Variants in WDR27 observed in about 807,000 individuals in gnomAD.
WDR27 encodes WD repeat domain 27, also known as WD repeat-containing protein 27.
A neutral mutation model predicts 114.4 loss-of-function variants in WDR27; 100 were observed. The ratio of observed to expected loss-of-function variants is 0.87; its 90% CI spans 0.74 to 1.03. The LOEUF (loss-of-function observed/expected upper bound fraction) is 1.03. Among genes scored for constraint, WDR27 ranks in the 50% least tolerant of loss-of-function variants. The pLI is 0.00. For missense variants in WDR27, 1,129 were observed against 1,092.9 expected, an observed-to-expected ratio of 1.03 and a Z score of -0.47; for synonymous variants, 449 against 423.1, an observed-to-expected ratio of 1.06 and a Z score of -0.75.
At chr6:169,426,945 C>A in the WDR27 span, 1 of 90,300 alleles carries the variant, frequency 1.1e-5, no homozygotes. Flanking sequence ...AGACAAGGGT[C>A]GTGGCAGTGC....
the WDR27 span, among the ~76,000 whole-genome samples, chr6:169,438,919 G>T: frequency 6.6e-6 from 1 of 152,048 alleles, no homozygotes; most frequent in Non-Finnish European, 1.5e-5. Flanking sequence ...TTTTATATTT[G>T]CTTTTGAAGT....
chr6:169,696,323 G>A (rs1785952549), intron 1 of WDR27, among the ~76,000 whole-genome samples: 1 of 152,192 alleles, frequency 6.6e-6, no homozygotes, highest in African/African-American at 2.4e-5. Context: ...ATGGCGCAGT[G>A]AAGCTTACGA....
At chr6:169,446,750 C>A in the WDR27 span, among the ~76,000 whole-genome samples, 1 of 152,292 alleles carries the variant, frequency 6.6e-6, no homozygotes, top group African/African-American at 2.4e-5. Flanking sequence ...AAATTGGCTA[C>A]AAGAATTTCC....
intron 24 of WDR27, among the ~76,000 whole-genome samples, chr6:169,578,375 G>A (rs1472943500): frequency 1.3e-5 from 2 of 152,202 alleles, no homozygotes; most frequent in Admixed American, 6.5e-5. Flanking sequence ...TTGTTTCAGC[G>A]TGGAAGCACT....
At chr6:169,479,291 CATT>C (rs1308979475) in intron 25 of WDR27, among the ~76,000 whole-genome samples, 1 of 152,068 alleles carries the variant, frequency 6.6e-6, no homozygotes, top group Non-Finnish European at 1.5e-5. Context: ...AAGAAATGTT[CATT>C]ATCAGAAATC....
chr6:169,538,785 AT>A (rs1408396067), intron 25 of WDR27, among the ~76,000 whole-genome samples: 1 of 148,950 alleles, frequency 6.7e-6, no homozygotes, highest in Non-Finnish European at 1.5e-5. Context: ...AACACTAACC[AT>A]ATGCAGTAAT....
the WDR27 span, among the ~76,000 whole-genome samples, chr6:169,428,580 C>T: frequency 7.0e-5 from 5 of 71,786 alleles, no homozygotes; most frequent in Non-Finnish European, 1.5e-4. Flanking sequence ...CTTAGCTGCT[C>T]TGTGGGGGTG....
chr6:169,616,917 G>T (rs1811949683), intron 21 of WDR27, among the ~76,000 whole-genome samples: 1 of 152,048 alleles, frequency 6.6e-6, no homozygotes, highest in South Asian at 2.1e-4. Context: ...ATAAACATGA[G>T]AAAATATTTA....
At chr6:169,562,673 T>C (rs547763401) in intron 25 of WDR27, among the ~76,000 whole-genome samples, 2 of 151,828 alleles carry the variant, frequency 1.3e-5, no homozygotes, top group African/African-American at 4.8e-5. Flanking sequence ...GGAGGGGACA[T>C]GGGGAGGGCA....
chr6:169,432,305 T>C, the WDR27 span, among the ~76,000 whole-genome samples: 4 of 152,226 alleles, frequency 2.6e-5, no homozygotes, highest in Admixed American at 6.5e-5. Context: ...TCAGACACAT[T>C]TTCACAGTTA....
intron 25 of WDR27, among the ~76,000 whole-genome samples, chr6:169,463,479 G>T (rs1417013386): frequency 1.3e-5 from 2 of 152,154 alleles, no homozygotes; most frequent in African/African-American, 2.4e-5. Context: ...TTAAGATCAG[G>T]CACAAGGCAA....
At chr6:169,586,847 CA>C (rs3029697) in intron 23 of WDR27, among the ~76,000 whole-genome samples, 37 of 32,054 alleles carry the variant, frequency 1.2e-3, no homozygotes, top group African/African-American at 3.7e-3. Flanking sequence ...GACTCTGTCT[CA>C]AAAAAAAAAA....
At chr6:169,553,866 TGA>T (rs1404402767) in intron 25 of WDR27, among the ~76,000 whole-genome samples, 1 of 151,938 alleles carries the variant, frequency 6.6e-6, no homozygotes. Context: ...CAGAATGGAG[TGA>T]GAGAAAGAAT....
chr6:169,492,967 G>C (rs1204812566), intron 25 of WDR27, among the ~76,000 whole-genome samples: 2 of 152,028 alleles, frequency 1.3e-5, no homozygotes, highest in South Asian at 4.1e-4. Context: ...AACATGCAGA[G>C]ACATAAAAGG....
chr6:169,622,195 A>T (rs979532477), intron 21 of WDR27, among the ~76,000 whole-genome samples: 27 of 152,310 alleles, frequency 1.8e-4, no homozygotes, highest in Admixed American at 4.6e-4. Context: ...ACCTTTCCAG[A>T]CCGAAGCAAT....
At chr6:169,642,640 C>T (rs564493408) in intron 17 of WDR27, among the ~76,000 whole-genome samples, 136 of 152,242 alleles carry the variant, frequency 8.9e-4, no homozygotes, top group African/African-American at 2.9e-3. Context: ...ATGCAGGAGC[C>T]GAGCCCGGCT....
chr6:169,606,818 G>A (rs1306542661), intron 22 of WDR27, among the ~76,000 whole-genome samples: 1 of 152,046 alleles, frequency 6.6e-6, no homozygotes, highest in African/African-American at 2.4e-5. Context: ...TATTCCTTTG[G>A]GTATATACCC....
At chr6:169,576,061 G>GT (rs34565409) in intron 24 of WDR27, among the ~76,000 whole-genome samples, 87,466 of 152,186 alleles carry the variant, frequency 0.57, 27,431 homozygotes, top group Non-Finnish European at 0.69. Context: ...AGCTTTTGGA[G>GT]TAACGGGCCT....
chr6:169,437,509 A>G, the WDR27 span, among the ~76,000 whole-genome samples: 1 of 152,068 alleles, frequency 6.6e-6, no homozygotes, highest in Non-Finnish European at 1.5e-5. Flanking sequence ...TATCTTCTTC[A>G]TGTAGGAAAA....
Sources: allele counts gnomAD v4.1 joint callset (sites outside exome capture counted in the v4.1 genomes callset), GRCh38; gene constraint gnomAD v4.1.1; transcripts MANE v1.5; gene names NCBI Gene and HGNC (gene_info 2026-07-23, HGNC 2026-07-21).